GRID2: variants seen among roughly 807,000 people sequenced by gnomAD.
The protein encoded by GRID2 is glutamate ionotropic receptor delta type subunit 2.
A neutral mutation model predicts 114.8 loss-of-function variants in GRID2; 33 were observed. The observed-to-expected ratio is 0.29, with a 90% CI of 0.22 to 0.38. The LOEUF is 0.38. Ranked by LOEUF, GRID2 falls within the 10% of genes least tolerant of loss-of-function variation. The pLI, the probability that GRID2 is intolerant of heterozygous loss-of-function variation, is 1.00. For synonymous variants in GRID2, 505 were observed against 449.9 expected, an observed-to-expected ratio of 1.12 and a Z score of -1.55; for missense variants, 1,184 against 1,257.7, an observed-to-expected ratio of 0.94 and a Z score of 0.89.
intron 14 of GRID2, among the ~76,000 whole-genome samples, chr4:93,723,745 CTG>C (rs1211110576): frequency 6.6e-6 from 1 of 152,212 alleles, no homozygotes; most frequent in African/African-American, 2.4e-5. Context: ...TACCTGCCCT[CTG>C]TGCATCAATC....
At chr4:92,732,112 G>A (rs1736355337) in intron 2 of GRID2, among the ~76,000 whole-genome samples, 1 of 151,940 alleles carries the variant, frequency 6.6e-6, no homozygotes. Flanking sequence ...CATGAAATGA[G>A]CAATGTTTAG....
intron 1 of GRID2, among the ~76,000 whole-genome samples, chr4:92,407,242 G>C (rs776089668): frequency 4.6e-5 from 7 of 152,086 alleles, no homozygotes; most frequent in Non-Finnish European, 1.0e-4. Flanking sequence ...AGTTCAAGGT[G>C]ATATTTGGAT....
chr4:93,503,352 T>A (rs1348362060), intron 12 of GRID2, among the ~76,000 whole-genome samples: 1 of 152,068 alleles, frequency 6.6e-6, no homozygotes, highest in Non-Finnish European at 1.5e-5. Flanking sequence ...TACTTTAAGT[T>A]TTAGGGTACA....
chr4:93,320,352 T>G (rs1220557859), intron 8 of GRID2, among the ~76,000 whole-genome samples: 1 of 152,226 alleles, frequency 6.6e-6, no homozygotes, highest in Middle Eastern at 3.4e-3. Flanking sequence ...GGTAAATTGA[T>G]GAAGATCTAA....
intron 10 of GRID2, among the ~76,000 whole-genome samples, chr4:93,436,564 C>G (rs184912362): frequency 1.1e-3 from 174 of 152,032 alleles, no homozygotes; most frequent in Non-Finnish European, 1.9e-3. Context: ...AGATACCAAA[C>G]AGGAAAAACA....
intron 8 of GRID2, 37 bp downstream of exon 8, chr4:93,238,527 A>C (rs1421377101): frequency 8.3e-6 from 13 of 1,575,114 alleles, no homozygotes; most frequent in African/African-American, 2.7e-5. Flanking sequence ...GCTTTTTCCT[A>C]TACTATGGTT....
intron 1 of GRID2, among the ~76,000 whole-genome samples, chr4:92,428,282 A>G (rs1265299590): frequency 6.6e-6 from 1 of 152,024 alleles, no homozygotes; most frequent in East Asian, 1.9e-4. Flanking sequence ...AATAATAATA[A>G]TAATAGTTTT....
intron 14 of GRID2, among the ~76,000 whole-genome samples, chr4:93,626,979 A>G (rs1242542019): frequency 6.6e-6 from 1 of 152,230 alleles, no homozygotes; most frequent in Non-Finnish European, 1.5e-5. Flanking sequence ...GAGATAACTT[A>G]TTGAGACATT....
At chr4:92,353,517 A>T (rs536342438) in intron 1 of GRID2, among the ~76,000 whole-genome samples, 2 of 151,994 alleles carry the variant, frequency 1.3e-5, no homozygotes, top group East Asian at 3.9e-4. Context: ...GTCTCTAATC[A>T]TTTGTCTAGT....
intron 2 of GRID2, among the ~76,000 whole-genome samples, chr4:92,985,080 C>A (rs770982932): frequency 6.6e-6 from 1 of 152,008 alleles, no homozygotes; most frequent in Non-Finnish European, 1.5e-5. Context: ...GTAACAACAG[C>A]CTGATACCTT....
intron 2 of GRID2, among the ~76,000 whole-genome samples, chr4:92,816,900 T>C (rs1209357673): frequency 6.6e-6 from 1 of 152,148 alleles, no homozygotes. Context: ...ATAGTGTGCA[T>C]GTATCTGCAA....
intron 14 of GRID2, among the ~76,000 whole-genome samples, chr4:93,658,291 A>G (rs77595290): frequency 0.02 from 3,030 of 152,292 alleles, 36 homozygotes; most frequent in South Asian, 0.022. Flanking sequence ...GACAAAGATA[A>G]CAATTAGACA....
chr4:92,305,599 G>A lies in GRID2; in HGVS notation c.88+855G>A, dbSNP rs560215538. On this transcript the variant is annotated intron_variant, in intron 1 of 15. Coordinates refer to ENST00000282020, the MANE Select transcript of GRID2 (RefSeq NM_001510.4). ...ACAGCGAAGGCGCCGGGACTACTGC[G>A]GGCCGCGACTCTGAGAAGGACTGCC... Among the ~76,000 whole-genome samples the A allele has an allele frequency of 3.3e-5, 5 of 152,260 alleles. No individual in the cohort carries two copies. The South Asian group carries it at 1.0e-3, about 32-fold the overall frequency.
intron 1 of GRID2, among the ~76,000 whole-genome samples, chr4:92,405,291 A>G (rs932691839): frequency 1.3e-5 from 2 of 152,224 alleles, no homozygotes; most frequent in Admixed American, 6.5e-5. Context: ...ACTTAAGCTT[A>G]TGACTGGCAT....
At chr4:92,677,690 T>C (rs1733444701) in intron 2 of GRID2, among the ~76,000 whole-genome samples, 1 of 152,144 alleles carries the variant, frequency 6.6e-6, no homozygotes, top group Admixed American at 6.5e-5. Flanking sequence ...TCTCTCATGA[T>C]ATATCCAGTC....
intron 2 of GRID2, among the ~76,000 whole-genome samples, chr4:92,598,960 CA>C (rs1419562037): frequency 1.3e-5 from 2 of 151,482 alleles, no homozygotes; most frequent in East Asian, 3.9e-4. Flanking sequence ...TATTTTTGCC[CA>C]AATGGGACTT....
At chr4:92,423,250 G>T (rs868447140) in intron 1 of GRID2, among the ~76,000 whole-genome samples, 1 of 152,100 alleles carries the variant, frequency 6.6e-6, no homozygotes, top group Non-Finnish European at 1.5e-5. Flanking sequence ...TGTTAAAAAA[G>T]CAAATGGAGT....
At chr4:93,596,548 A>C (rs1739116495) in intron 13 of GRID2, among the ~76,000 whole-genome samples, 1 of 152,170 alleles carries the variant, frequency 6.6e-6, no homozygotes, top group African/African-American at 2.4e-5. Context: ...ACTGCACTCC[A>C]GCCTGGGCGA....
At chr4:93,498,043 A>G (rs1329373102) in intron 12 of GRID2, among the ~76,000 whole-genome samples, 1 of 151,844 alleles carries the variant, frequency 6.6e-6, no homozygotes, top group African/African-American at 2.4e-5. Context: ...ATGTTTTGTT[A>G]GATTTGTGCC....
Sources: allele counts gnomAD v4.1 joint callset (sites outside exome capture counted in the v4.1 genomes callset), GRCh38; gene constraint gnomAD v4.1.1; transcripts MANE v1.5; gene names NCBI Gene and HGNC (gene_info 2026-07-23, HGNC 2026-07-21).